The following SHCBP1 variants were observed in gnomAD, a reference collection of about 807,000 sequenced individuals.
The protein encoded by SHCBP1 is SHC binding and spindle associated 1.
Under a neutral mutation model 75.1 loss-of-function variants are expected in SHCBP1, and 60 were observed. The ratio of observed to expected loss-of-function variants is 0.80; its 90% CI spans 0.65 to 0.99. The LOEUF is 0.99. Ranked by LOEUF, SHCBP1 falls within the 50% of genes least tolerant of loss-of-function variation. The pLI, the probability that SHCBP1 is intolerant of heterozygous loss-of-function variation, is 0.00. For synonymous variants in SHCBP1, 290 were observed against 293.2 expected (o/e 0.99, Z 0.11); for missense variants, 709 against 809.4 (o/e 0.88, Z 1.50).
chr16:46,583,531 C>T lies in SHCBP1; in HGVS notation c.1678G>A (p.Glu560Lys), dbSNP rs546451151. ...TIFSDLQENA[E>K]DGTEENKALK... ...CTAAATATACCTTCAGTTCCATCTTCAGCATTTTCTTGCAGGTCAGAGAAG... is the reference window on the plus strand; with the variant it reads ...CTAAATATACCTTCAGTTCCATCTTTAGCATTTTCTTGCAGGTCAGAGAAG... The change falls in exon 12 of 13, where the codon GAA (glutamate) becomes AAA (lysine). Residue 560 changes from glutamate to lysine, a missense_variant. Transcript: ENST00000303383. 3.8e-6 allele frequency: 6 copies of T among 1,597,018 alleles called. No homozygotes were observed. In the South Asian group the frequency reaches 4.6e-5, roughly 12 times the overall value.
chr16:46,584,487 G>T (rs1964925802), intron 10 of SHCBP1, among the ~76,000 whole-genome samples: 1 of 152,104 alleles, frequency 6.6e-6, no homozygotes, highest in Non-Finnish European at 1.5e-5. Context: ...ATTAGTTGGA[G>T]ATAAGTATTT....
Position 46,616,031 on chromosome 16 carries a change from G to T in SHCBP1, c.511C>A (p.His171Asn), listed in dbSNP as rs866698459. The T allele has an allele frequency of 1.2e-6, 2 of 1,614,198 alleles. No homozygotes were observed. The highest frequency in any genetic ancestry group is 8.5e-7 in the Non-Finnish European group (1 of 1,180,036). The change falls in exon 4 of 13, where the codon CAT (histidine) becomes AAT (asparagine). Residue 171 changes from histidine to asparagine, a missense_variant. By Grantham distance (68) the His-to-Asn change is moderately conservative. Transcript: ENST00000303383. The surrounding 1 kb of genome is among the most constrained non-coding windows in gnomAD (Gnocchi z 4.4). The stretch of plus-strand genomic sequence containing the variant: ...CACAGCTCCTGCAGGGGCAACCGAT[G>T]CTCCTTCAGATCAAGGAGCTCCTTC... ...CMKELLDLKEHRLPLQELWVV... is the reference protein window; with the variant it reads ...CMKELLDLKENRLPLQELWVV...
rs143807959 is a variant in SHCBP1 at position 46,608,343 on chromosome 16, C to A, written c.643G>T (p.Asp215Tyr). The A allele has an allele frequency of 4.2e-5, 68 of 1,613,708 alleles. No homozygotes were observed. Among genetic ancestry groups the A allele is most frequent in the Non-Finnish European group, 5.7e-5 (67 of 1,179,842 alleles). The part of the protein sequence containing the change: ...IWRSWDEEEE[D>Y]EYDYFVRCVE... ...CATCTGACAAAATAATCGTATTCATCCTCCTCTTCTTCATCCCAACTCCTC... is the reference window on the plus strand; with the variant it reads ...CATCTGACAAAATAATCGTATTCATACTCCTCTTCTTCATCCCAACTCCTC... The change falls in exon 5 of 13, where the codon GAT (aspartate) becomes TAT (tyrosine). Residue 215 changes from aspartate (D) to tyrosine (Y), a missense_variant. Physicochemically the swap from Asp to Tyr is radical, Grantham distance 160. Transcript: ENST00000303383.
chr16:46,602,054 G>A (rs922877918), intron 8 of SHCBP1, among the ~76,000 whole-genome samples: 1 of 152,070 alleles, frequency 6.6e-6, no homozygotes, highest in Admixed American at 6.5e-5. Context: ...CATACTGTTA[G>A]TCAATATACA....
At position 46,616,747 on chromosome 16, in the gene SHCBP1, G is replaced by A. The variant is rs1487205842; in HGVS notation, c.388-593C>T. On this transcript the variant is annotated intron_variant, in intron 3 of 12. Coordinates refer to ENST00000303383, the MANE Select transcript of SHCBP1 (RefSeq NM_024745.5). This position sits in a 1 kb window ranked among gnomAD's most constrained non-coding sequence, Gnocchi z 4.4. ...AAAGACAATATCTTAGGAGTTTTAA[G>A]CAGAGAAATGGCATGCTTCTGTTTT... 2.6e-5 allele frequency among the ~76,000 whole-genome samples: 4 copies of A among 152,208 alleles called. No homozygotes were observed. The East Asian group carries it at 7.7e-4, about 29-fold the overall frequency.
intron 10 of SHCBP1, among the ~76,000 whole-genome samples, chr16:46,590,122 GA>G (rs1965020480): frequency 6.6e-6 from 1 of 152,210 alleles, no homozygotes; most frequent in South Asian, 2.1e-4. Flanking sequence ...GTCATATGTA[GA>G]AAGCTGAAAC....
At position 46,604,438 on chromosome 16, in the gene SHCBP1, C is replaced by G; in HGVS notation, c.713G>C (p.Arg238Pro). ...LRLHYDILED[R>P]VPSGLIVDYH... is the part of the protein sequence containing the mutation. Reference sequence around the variant, plus strand: ...GTCAACAATAAGTCCTGATGGAACTCGGTCTTCAAGAATGTCATAATGCCT... The same window carrying G: ...GTCAACAATAAGTCCTGATGGAACTGGGTCTTCAAGAATGTCATAATGCCT... The change falls in exon 6 of 13, where the codon CGA becomes CCA. Residue 238 changes from arginine to proline, a missense_variant. Transcript: ENST00000303383. 6.2e-7 allele frequency: 1 copy of G among 1,612,364 alleles called. No homozygotes were observed. The highest frequency in any genetic ancestry group is 8.5e-7 in the Non-Finnish European group (1 of 1,178,450).
chr16:46,592,746 C>G (rs1241680224), intron 10 of SHCBP1, among the ~76,000 whole-genome samples: 2 of 151,228 alleles, frequency 1.3e-5, no homozygotes, highest in African/African-American at 4.9e-5. Flanking sequence ...AATTATATAC[C>G]ATGACCAAGT....
intron 10 of SHCBP1, among the ~76,000 whole-genome samples, chr16:46,585,867 C>A (rs570374892): frequency 7.9e-4 from 120 of 152,152 alleles, no homozygotes; most frequent in Admixed American, 1.5e-3. Flanking sequence ...CCTCCCACCC[C>A]TACATAGCAG....
chr16:46,595,848 T>C (rs1279568172), intron 9 of SHCBP1, among the ~76,000 whole-genome samples, 178 bp from the exon 10 acceptor site: 1 of 152,214 alleles, frequency 6.6e-6, no homozygotes, highest in African/African-American at 2.4e-5. Flanking sequence ...TGAGTTATTT[T>C]CTACAATCTA....
chr16:46,608,650 C>T (rs1412072900), intron 4 of SHCBP1, among the ~76,000 whole-genome samples: 2 of 133,634 alleles, frequency 1.5e-5, no homozygotes, highest in Non-Finnish European at 3.1e-5. Context: ...GTCTCTGGGG[C>T]TGGAGTGCAA....
At chr16:46,606,963 G>A (rs1050518968) in intron 5 of SHCBP1, among the ~76,000 whole-genome samples, 1 of 152,000 alleles carries the variant, frequency 6.6e-6, no homozygotes, top group South Asian at 2.1e-4. Flanking sequence ...TGGGACTAGA[G>A]GCATGCCCTA....
At chr16:46,592,693 C>T (rs1177317643) in intron 10 of SHCBP1, among the ~76,000 whole-genome samples, 1 of 151,662 alleles carries the variant, frequency 6.6e-6, no homozygotes. Context: ...GCAAAATTTC[C>T]TAACAAAAGA....
intron 10 of SHCBP1, among the ~76,000 whole-genome samples, chr16:46,588,072 G>C (rs1964980714): frequency 6.6e-6 from 1 of 152,152 alleles, no homozygotes; most frequent in African/African-American, 2.4e-5. Context: ...AATGACAACT[G>C]GGTACATAAC....
chr16:46,599,111 G>A, intron 9 of SHCBP1, among the ~76,000 whole-genome samples: 1 of 152,134 alleles, frequency 6.6e-6, no homozygotes, highest in Non-Finnish European at 1.5e-5. Flanking sequence ...CAATAAGACT[G>A]TTTCACTTTC....
rs536590627 is a variant in SHCBP1, at chr16:46,578,884, G to C, written c.*2845C>G. 1.3e-4 allele frequency among the ~76,000 whole-genome samples: 20 copies of C among 152,230 alleles called. No homozygotes were observed. The highest frequency in any genetic ancestry group is 4.3e-4 in the African/African-American group (18 of 41,546). On this transcript the variant is annotated 3_prime_UTR_variant, in exon 13 of 13. Coordinates refer to ENST00000303383, the MANE Select transcript of SHCBP1 (RefSeq NM_024745.5). Reference sequence around the variant, plus strand: ...AACATGAACGACACGGTTCTTATGAGCTCATCAGTGTTCTATTGAACTTTC... The same window carrying C: ...AACATGAACGACACGGTTCTTATGACCTCATCAGTGTTCTATTGAACTTTC...
At chr16:46,596,457 A>G (rs1205437580) in intron 9 of SHCBP1, among the ~76,000 whole-genome samples, 2 of 151,936 alleles carry the variant, frequency 1.3e-5, no homozygotes, top group African/African-American at 2.4e-5. Flanking sequence ...CAGTGAGCAG[A>G]GATCACACCA....
Position 46,581,656 on chromosome 16 carries a change from A to G in SHCBP1, c.*73T>C. ...TAAAATACAGACAATACAGCAAACT[A>G]CAATGGCAGCAGTGATTCTTAGGGC... On this transcript the variant is annotated 3_prime_UTR_variant, in exon 13 of 13. Transcript: ENST00000303383. 3 of 1,329,522 alleles carry G rather than the reference A, an allele frequency of 2.3e-6. No homozygotes were observed. The highest frequency in any genetic ancestry group is 3.2e-6 in the Non-Finnish European group (3 of 951,764). The allele number at this position is 1,329,522 out of a possible 1,614,324, so 82.4% of individuals were successfully genotyped here.
At chr16:46,591,582 CT>C (rs1411131612) in intron 10 of SHCBP1, among the ~76,000 whole-genome samples, 2 of 151,882 alleles carry the variant, frequency 1.3e-5, no homozygotes, top group East Asian at 1.9e-4. Flanking sequence ...TTCAACACCC[CT>C]CTCTCAACAA....
Sources: gnomAD v4.1 joint callset for allele counts (sites outside exome capture counted in the v4.1 genomes callset) on GRCh38, gnomAD v4.1.1 for gene constraint, Gnocchi (gnomAD v3.1) non-coding constraint, MANE v1.5 for transcripts, NCBI Gene and HGNC (gene_info 2026-07-23, HGNC 2026-07-21) for gene names.